Variants in DDAH1 observed in about 807,000 individuals in gnomAD.
DDAH1 encodes N(G),N(G)-dimethylarginine dimethylaminohydrolase 1.
A neutral mutation model predicts 28.8 loss-of-function variants in DDAH1; 19 were observed. The ratio of observed to expected loss-of-function variants is 0.66; its 90% CI spans 0.46 to 0.97. The LOEUF is 0.97. Ranked by LOEUF, DDAH1 falls within the 50% of genes least tolerant of loss-of-function variation. DDAH1 has a pLI of 0.00. For missense variants in DDAH1, 326 were observed against 375.9 expected, an observed-to-expected ratio of 0.87 and a Z score of 1.10; for synonymous variants, 153 against 154.4, an observed-to-expected ratio of 0.99 and a Z score of 0.07.
In DDAH1 at chr1:85,350,956, C is replaced by T. The variant is rs150528299; in HGVS notation, c.478-422G>A. Among the ~76,000 whole-genome samples the T allele has an allele frequency of 5.4e-3, 826 of 152,118 alleles. 17 individuals carry two copies. The highest frequency in any genetic ancestry group is 0.033 in the Admixed American group (505 of 15,276). On this transcript the variant is annotated intron_variant, in intron 3 of 5. Coordinates refer to ENST00000284031, the MANE Select transcript of DDAH1 (RefSeq NM_012137.4). ...ACCTTAAGAGGATGTACGTGCAACACCTAGCACAGTTTACAGCACACAGAA... is the reference window on the plus strand; with the variant it reads ...ACCTTAAGAGGATGTACGTGCAACATCTAGCACAGTTTACAGCACACAGAA...
chr1:85,430,881 A>C (rs1433354998), intron 1 of DDAH1, among the ~76,000 whole-genome samples: 1 of 151,968 alleles, frequency 6.6e-6, no homozygotes, highest in Non-Finnish European at 1.5e-5. Context: ...AATACCCTTT[A>C]TTTCTTTCTC....
At chr1:85,379,716 A>G (rs1242671407) in intron 1 of DDAH1, 2 of 985,004 alleles carry the variant, frequency 2.0e-6, no homozygotes, top group Non-Finnish European at 1.2e-6. Flanking sequence ...GAACTTATCT[A>G]TTTCCCAAAC....
At chr1:85,552,511 G>A (rs1570669029) in intron 1 of DDAH1, among the ~76,000 whole-genome samples, 2 of 152,076 alleles carry the variant, frequency 1.3e-5, no homozygotes, top group Non-Finnish European at 2.9e-5. Flanking sequence ...ACGAAGTCTA[G>A]CATAATGGCC....
At position 85,461,939 on chromosome 1, in the gene DDAH1, T is replaced by A. The variant is rs1655140760; in HGVS notation, c.303+2804A>T. Among the ~76,000 whole-genome samples, 3 of 152,348 alleles carry A rather than the reference T, an allele frequency of 2.0e-5. No homozygotes were observed. In the East Asian group the frequency reaches 5.8e-4, roughly 29 times the overall value. ...TAAACCCGAGTTCAAATCCTGGTTTTACAGGTTACACTCTATAACCCTGGC... is the reference window on the plus strand; with the variant it reads ...TAAACCCGAGTTCAAATCCTGGTTTAACAGGTTACACTCTATAACCCTGGC... On this transcript the variant is annotated intron_variant, in intron 1 of 5. Transcript: ENST00000284031.
chr1:85,397,516 AT>A (rs1273901556), intron 1 of DDAH1, among the ~76,000 whole-genome samples: 1 of 152,092 alleles, frequency 6.6e-6, no homozygotes, highest in Non-Finnish European at 1.5e-5. Context: ...TTAATGTTTT[AT>A]TTTCCAGATT....
At chr1:85,440,296 T>TA (rs1279463198) in intron 1 of DDAH1, among the ~76,000 whole-genome samples, 1 of 152,240 alleles carries the variant, frequency 6.6e-6, no homozygotes, top group Non-Finnish European at 1.5e-5. Context: ...CTGATTTTTT[T>TA]AGCGGGGTGA....
intron 4 of DDAH1, among the ~76,000 whole-genome samples, chr1:85,342,387 A>AGT (rs58992773): frequency 0.036 from 5,329 of 147,862 alleles, 199 homozygotes; most frequent in African/African-American, 0.094. Context: ...TTTTTCTATG[A>AGT]GTGTGTGTGT....
intron 1 of DDAH1, among the ~76,000 whole-genome samples, chr1:85,393,980 G>C (rs1480373796): frequency 2.0e-5 from 3 of 152,184 alleles, no homozygotes; most frequent in African/African-American, 7.2e-5. Flanking sequence ...ATGTCTACAT[G>C]TGTTATATGT....
At chr1:85,355,624 T>TATCA (rs781694769) in intron 2 of DDAH1, among the ~76,000 whole-genome samples, 35 of 152,194 alleles carry the variant, frequency 2.3e-4, no homozygotes, top group Non-Finnish European at 4.0e-4. Flanking sequence ...GAGTTTACTC[T>TATCA]ATCACCTGAA....
chr1:85,489,879 A>G (rs1656328300), intron 2 of DDAH1, among the ~76,000 whole-genome samples: 1 of 152,218 alleles, frequency 6.6e-6, no homozygotes, highest in Admixed American at 6.6e-5. Flanking sequence ...TAAAATTAAA[A>G]AATATTTTAT....
intron 2 of DDAH1, among the ~76,000 whole-genome samples, chr1:85,472,727 C>CT (rs1306363694): frequency 6.6e-6 from 1 of 151,960 alleles, no homozygotes; most frequent in Admixed American, 6.6e-5. Context: ...TTGCTCCAAA[C>CT]TTTTTTTTAG....
At chr1:85,338,967 A>G (rs935585663) in intron 4 of DDAH1, among the ~76,000 whole-genome samples, 12 of 151,446 alleles carry the variant, frequency 7.9e-5, no homozygotes, top group Non-Finnish European at 1.5e-5. Context: ...GAATTGCTTG[A>G]ACCTGGGAGG....
intron 1 of DDAH1, chr1:85,399,803 G>C (rs1025382075): frequency 6.6e-6 from 1 of 152,106 alleles, no homozygotes; most frequent in African/African-American, 2.4e-5. Flanking sequence ...AAGTAACTTT[G>C]AAATAATCAA....
rs1313390311 is a variant in DDAH1, at chr1:85,464,968, G to A, written c.78C>T (p.Gly26=). The A allele has an allele frequency of 1.4e-6, 2 of 1,477,128 alleles. No homozygotes were observed. Among genetic ancestry groups the A allele is most frequent in the Non-Finnish European group, 1.8e-6 (2 of 1,119,312 alleles). 91.5% of individuals were successfully genotyped at this position (1,477,128 alleles called of 1,614,324 possible). The stretch of plus-strand genomic sequence containing the variant: ...CCTTGGCGCTTCTCAGCGCGTGCTG[G>A]CCGAGCGACTCGGGTAGCGCCCGCA... The part of the protein sequence containing the change: ...AVVRALPESL[G]QHALRSAKGE... The change falls in exon 1 of 6, where the codon GGC becomes GGT. Residue 26 remains glycine (G), a synonymous_variant. Coordinates refer to ENST00000284031, the MANE Select transcript of DDAH1 (RefSeq NM_012137.4). This position sits in a 1 kb window ranked among gnomAD's most constrained non-coding sequence, Gnocchi z 4.4.
At position 85,534,604 on chromosome 1, in the gene DDAH1, C is replaced by T. The variant is rs554131529; in HGVS notation, c.-122-38323G>A. 3.9e-5 allele frequency among the ~76,000 whole-genome samples: 6 copies of T among 152,146 alleles called. No homozygotes were observed. In the South Asian group the frequency reaches 1.0e-3, roughly 26 times the overall value. Reference sequence around the variant, plus strand: ...ATGTTCCTTCCATTCAGCTATGTACCTTCAGAAATTACTTTCAGCTTCTTT... The same window carrying T: ...ATGTTCCTTCCATTCAGCTATGTACTTTCAGAAATTACTTTCAGCTTCTTT... On this transcript the variant is annotated intron_variant, in intron 1 of 6. Transcript: ENST00000426972.
intron 1 of DDAH1, among the ~76,000 whole-genome samples, chr1:85,502,727 C>A (rs1248391567): frequency 6.6e-6 from 1 of 152,192 alleles, no homozygotes; most frequent in African/African-American, 2.4e-5. Flanking sequence ...CTGCTCCAGG[C>A]CAGGCAGTTT....
intron 4 of DDAH1, among the ~76,000 whole-genome samples, chr1:85,346,665 A>C (rs1475930121): frequency 6.6e-6 from 1 of 152,146 alleles, no homozygotes; most frequent in East Asian, 1.9e-4. Context: ...TATCACTTAT[A>C]AGTGATATAT....
At chr1:85,410,791 T>C (rs967339894) in intron 1 of DDAH1, among the ~76,000 whole-genome samples, 1 of 152,256 alleles carries the variant, frequency 6.6e-6, no homozygotes, top group African/African-American at 2.4e-5. Flanking sequence ...ACTTTGATTC[T>C]CAATTTTACC....
At chr1:85,324,321 TAAA>T (rs1219878114) in intron 5 of DDAH1, among the ~76,000 whole-genome samples, 2 of 134,236 alleles carry the variant, frequency 1.5e-5, no homozygotes, top group African/African-American at 5.5e-5. Context: ...TAAAAAGAAA[TAAA>T]AAGAAAAGCT....
Sources: allele counts gnomAD v4.1 joint callset (sites outside exome capture counted in the v4.1 genomes callset), GRCh38; gene constraint gnomAD v4.1.1; non-coding constraint Gnocchi (gnomAD v3.1); transcripts MANE v1.5; gene names NCBI Gene and HGNC (gene_info 2026-07-23, HGNC 2026-07-21).